The following MYO1E variants were observed in gnomAD, a reference collection of about 807,000 sequenced individuals.
MYO1E encodes the protein myosin IE.
Under a neutral mutation model 151.1 loss-of-function variants are expected in MYO1E, and 68 were observed. The observed-to-expected ratio is 0.45, with a 90% confidence interval of 0.37 to 0.55. MYO1E has a LOEUF of 0.55. Ranked by LOEUF, MYO1E falls within the 20% of genes least tolerant of loss-of-function variation. MYO1E has a pLI of 0.00. For missense variants in MYO1E, 1,363 were observed against 1,389.3 expected, an observed-to-expected ratio of 0.98 and a Z score of 0.30; for synonymous variants, 601 against 501.7, an observed-to-expected ratio of 1.20 and a Z score of -2.64.
intron 1 of MYO1E, among the ~76,000 whole-genome samples, chr15:59,352,765 CG>C (rs1473162653): frequency 6.6e-6 from 1 of 152,124 alleles, no homozygotes; most frequent in Non-Finnish European, 1.5e-5. Flanking sequence ...GTTAAATTCA[CG>C]GAAGCATACC....
intron 22 of MYO1E, among the ~76,000 whole-genome samples, chr15:59,167,104 A>C (rs1416343809): frequency 6.6e-6 from 1 of 152,206 alleles, no homozygotes; most frequent in Non-Finnish European, 1.5e-5. Flanking sequence ...GCTTCAGGTC[A>C]GCAGGACAGG....
At chr15:59,281,365 T>A (rs1225664085) in intron 1 of MYO1E, among the ~76,000 whole-genome samples, 1 of 151,566 alleles carries the variant, frequency 6.6e-6, no homozygotes, top group East Asian at 1.9e-4. Flanking sequence ...AACCTCCACC[T>A]CCCTGGTTCA....
intron 4 of MYO1E, among the ~76,000 whole-genome samples, chr15:59,250,893 G>A (rs565582830): frequency 6.6e-6 from 1 of 152,174 alleles, no homozygotes; most frequent in Non-Finnish European, 1.5e-5. Flanking sequence ...GCATCATCCC[G>A]CTTCAGTGCA....
Position 59,195,444 on chromosome 15 carries a change from C to G in MYO1E, c.1805+17G>C, listed in dbSNP as rs1352609104. On this transcript the variant is annotated intron_variant, in intron 17 of 27. Coordinates refer to ENST00000288235, the MANE Select transcript of MYO1E (RefSeq NM_004998.4). ...GAAAAAGGTCCCGGCCCCACCTAAG[C>G]CGGTTTCCCCCGATACCTGCTTTCC... is the stretch of plus-strand genomic sequence containing the variant. 1 of 1,600,084 alleles carries G rather than the reference C, an allele frequency of 6.2e-7. No homozygotes were observed. Among genetic ancestry groups the G allele is most frequent in the East Asian group, 2.2e-5 (1 of 44,818 alleles).
chr15:59,199,478 A>G (rs2079787876), intron 16 of MYO1E, among the ~76,000 whole-genome samples: 1 of 152,222 alleles, frequency 6.6e-6, no homozygotes, highest in Admixed American at 6.5e-5. Flanking sequence ...CACGATGCTC[A>G]GAGGAAATGC....
intron 1 of MYO1E, among the ~76,000 whole-genome samples, chr15:59,289,894 A>G (rs1258328207): frequency 6.6e-6 from 1 of 152,234 alleles, no homozygotes; most frequent in Non-Finnish European, 1.5e-5. Flanking sequence ...TTCCTTCTCC[A>G]AGAATACTTA....
At chr15:59,151,818 C>A (rs776544854) in intron 26 of MYO1E, among the ~76,000 whole-genome samples, 19 of 151,930 alleles carry the variant, frequency 1.3e-4, no homozygotes, top group Non-Finnish European at 2.6e-4. Flanking sequence ...GAGGCCAAGG[C>A]GGGTGGATCA....
At chr15:59,238,635 A>T (rs1489431647) in intron 4 of MYO1E, among the ~76,000 whole-genome samples, 2 of 152,206 alleles carry the variant, frequency 1.3e-5, no homozygotes, top group African/African-American at 2.4e-5. Flanking sequence ...GCAGTGGCAC[A>T]ATCTTGGCTC....
chr15:59,291,157 G>C (rs2080416314), intron 1 of MYO1E, among the ~76,000 whole-genome samples: 1 of 152,218 alleles, frequency 6.6e-6, no homozygotes, highest in African/African-American at 2.4e-5. Context: ...AATGCTGAAA[G>C]GATTTGTACG....
At chr15:59,363,729 A>C (rs115035501) in intron 1 of MYO1E, among the ~76,000 whole-genome samples, 4,043 of 152,260 alleles carry the variant, frequency 0.027, 131 homozygotes, top group African/African-American at 0.069. Flanking sequence ...GCCTTTTGTT[A>C]TCATTTCTCC....
chr15:59,139,765 CATT>C (rs1377845374), intron 26 of MYO1E, among the ~76,000 whole-genome samples: 2 of 151,418 alleles, frequency 1.3e-5, no homozygotes, highest in Non-Finnish European at 2.9e-5. Context: ...TCCCGTCCCT[CATT>C]ATTACTCCTC....
intron 1 of MYO1E, among the ~76,000 whole-genome samples, chr15:59,359,321 T>G (rs1025446816): frequency 7.2e-6 from 1 of 139,338 alleles, no homozygotes; most frequent in South Asian, 2.2e-4. Flanking sequence ...ATAATATATA[T>G]ATATATTTTT....
intron 4 of MYO1E, among the ~76,000 whole-genome samples, chr15:59,243,665 C>T (rs1377446910): frequency 6.6e-6 from 1 of 152,124 alleles, no homozygotes; most frequent in African/African-American, 2.4e-5. Context: ...ATGAACAGCA[C>T]AGTTCATAGT....
chr15:59,315,590 A>G (rs533878703), intron 1 of MYO1E, among the ~76,000 whole-genome samples: 1 of 152,254 alleles, frequency 6.6e-6, no homozygotes, highest in African/African-American at 2.4e-5. Context: ...CTGCCAAGAA[A>G]TAACACTGGG....
At chr15:59,244,519 A>T (rs2080118376) in intron 4 of MYO1E, among the ~76,000 whole-genome samples, 1 of 152,248 alleles carries the variant, frequency 6.6e-6, no homozygotes, top group South Asian at 2.1e-4. Flanking sequence ...CAGAGAGAAT[A>T]GAGTCTACCC....
At chr15:59,171,843 C>A in intron 22 of MYO1E, 54 bp downstream of exon 22, 1 of 1,612,400 alleles carries the variant, frequency 6.2e-7, no homozygotes. Context: ...GAACAGCGGA[C>A]CGTGATGCTG....
At chr15:59,300,087 T>G (rs1469709959) in intron 1 of MYO1E, among the ~76,000 whole-genome samples, 1 of 152,134 alleles carries the variant, frequency 6.6e-6, no homozygotes, top group African/African-American at 2.4e-5. Flanking sequence ...TGAGCAACTG[T>G]TCACCACAAA....
intron 7 of MYO1E, among the ~76,000 whole-genome samples, chr15:59,225,454 G>C (rs2140351085): frequency 6.6e-6 from 1 of 152,148 alleles, no homozygotes; most frequent in Middle Eastern, 3.4e-3. Flanking sequence ...GTCGCCCTGA[G>C]GCTTCCCTGG....
intron 2 of MYO1E, among the ~76,000 whole-genome samples, chr15:59,264,511 T>A (rs1187211646): frequency 6.6e-6 from 1 of 152,236 alleles, no homozygotes; most frequent in Non-Finnish European, 1.5e-5. Flanking sequence ...CAAATAAGTA[T>A]GTTCCCCAGT....
Sources: allele counts gnomAD v4.1 joint callset (sites outside exome capture counted in the v4.1 genomes callset), GRCh38; gene constraint gnomAD v4.1.1; transcripts MANE v1.5; gene names NCBI Gene and HGNC (gene_info 2026-07-23, HGNC 2026-07-21).